MECOM: variants seen among roughly 807,000 people sequenced by gnomAD.
MECOM encodes the protein histone-lysine N-methyltransferase MECOM.
A neutral mutation model predicts 116.3 loss-of-function variants in MECOM; 13 were observed. The observed-to-expected ratio is 0.11, with a 90% CI of 0.07 to 0.18. The LOEUF (loss-of-function observed/expected upper bound fraction) is 0.18, where lower values mean the gene tolerates loss of function less well. Among genes scored for constraint, MECOM ranks in the 10% least tolerant of loss-of-function variants. The pLI, the probability that MECOM is intolerant of heterozygous loss-of-function variation, is 1.00. For missense variants in MECOM, 1,299 were observed against 1,509.0 expected, an observed-to-expected ratio of 0.86 and a Z score of 2.31; for synonymous variants, 528 against 535.2, an observed-to-expected ratio of 0.99 and a Z score of 0.19.
In MECOM at chr3:169,378,465, GC is replaced by G. The variant is rs1560197048; in HGVS notation, c.375+2721del. The stretch of plus-strand genomic sequence containing the variant: ...AGAAAGAAAGAAGGAAAGCAAGCAA[GC>G]AAGCAAGCAAGAAAGAGAGAGAGAA... On this transcript the variant is annotated intron_variant, in intron 2 of 16. Coordinates refer to ENST00000651503, the MANE Select transcript of MECOM (RefSeq NM_004991.4). Among the ~76,000 whole-genome samples, 61 of 62,248 alleles carry G rather than the reference GC, an allele frequency of 9.8e-4. 9 individuals are homozygous for G. Among genetic ancestry groups the G allele is most frequent in the African/African-American group, 6.7e-3 (58 of 8,636 alleles). The allele number at this position is 62,248 out of a possible 152,430, so 40.8% of individuals were successfully genotyped here.
chr3:169,226,022 T>C (rs1260351337), intron 2 of MECOM, among the ~76,000 whole-genome samples: 4 of 152,252 alleles, frequency 2.6e-5, no homozygotes, highest in Non-Finnish European at 4.4e-5. Context: ...GGACTCCTTA[T>C]TTTATTACAT....
chr3:169,326,691 T>G (rs1721880660), intron 2 of MECOM, among the ~76,000 whole-genome samples: 2 of 152,222 alleles, frequency 1.3e-5, no homozygotes, highest in Admixed American at 1.3e-4. Flanking sequence ...AAAATCATGT[T>G]GCCTTTGCTA....
At chr3:169,203,600 C>T (rs1749490000) in intron 2 of MECOM, among the ~76,000 whole-genome samples, 1 of 152,096 alleles carries the variant, frequency 6.6e-6, no homozygotes, top group South Asian at 2.1e-4. Flanking sequence ...ATAATTAACA[C>T]TCCTTTAAAT....
intron 1 of MECOM, among the ~76,000 whole-genome samples, chr3:169,397,689 T>C (rs914338803): frequency 3.9e-5 from 6 of 152,214 alleles, no homozygotes; most frequent in African/African-American, 1.4e-4. Flanking sequence ...ACGACCTTGA[T>C]AACATTCTCA....
chr3:169,361,570 A>T (rs1728307130), intron 2 of MECOM, among the ~76,000 whole-genome samples: 1 of 151,912 alleles, frequency 6.6e-6, no homozygotes, highest in South Asian at 2.1e-4. Context: ...ACAATGAAAT[A>T]TTCATATTTA....
chr3:169,440,736 A>G (rs1000722743), intron 1 of MECOM, among the ~76,000 whole-genome samples: 5 of 152,278 alleles, frequency 3.3e-5, no homozygotes, highest in East Asian at 3.9e-4. Context: ...TGAAGGAAAC[A>G]ACTTCTCTTT....
At chr3:169,638,428 C>T (rs574819372) in intron 1 of MECOM, among the ~76,000 whole-genome samples, 11 of 152,280 alleles carry the variant, frequency 7.2e-5, no homozygotes, top group African/African-American at 2.4e-4. Flanking sequence ...CCCCCTGCTA[C>T]CATGCACCAT....
intron 1 of MECOM, among the ~76,000 whole-genome samples, chr3:169,622,935 C>T (rs1770930055): frequency 6.6e-6 from 1 of 152,178 alleles, no homozygotes; most frequent in African/African-American, 2.4e-5. Flanking sequence ...GCTCTGCTTT[C>T]AGGTTGAGAT....
intron 9 of MECOM, 60 bp from the exon 10 acceptor site, chr3:169,108,012 A>T: frequency 7.1e-7 from 1 of 1,408,548 alleles, no homozygotes; most frequent in Non-Finnish European, 1.0e-6. Flanking sequence ...CTTTATTGCA[A>T]TCTATCCTTT....
At chr3:169,580,901 T>G (rs1765055757) in intron 1 of MECOM, among the ~76,000 whole-genome samples, 1 of 152,212 alleles carries the variant, frequency 6.6e-6, no homozygotes, top group Non-Finnish European at 1.5e-5. Context: ...TTACCCCACG[T>G]GATACTGGAA....
intron 1 of MECOM, among the ~76,000 whole-genome samples, chr3:169,551,251 T>C (rs562964166): frequency 6.6e-6 from 1 of 152,200 alleles, no homozygotes; most frequent in East Asian, 1.9e-4. Flanking sequence ...ATGTGCACCA[T>C]CCATCCAGCC....
chr3:169,157,136 T>C (rs886219961), intron 2 of MECOM, among the ~76,000 whole-genome samples: 40 of 152,204 alleles, frequency 2.6e-4, no homozygotes, highest in African/African-American at 8.4e-4. Context: ...TAATTTGTGT[T>C]CTATTGAACG....
intron 1 of MECOM, among the ~76,000 whole-genome samples, chr3:169,536,530 T>C (rs929874488): frequency 1.3e-5 from 2 of 151,452 alleles, no homozygotes; most frequent in African/African-American, 4.8e-5. Flanking sequence ...GTCTGACACC[T>C]AGCTAGGTCA....
chr3:169,100,121 CAG>C (rs1723081155), intron 12 of MECOM, among the ~76,000 whole-genome samples: 2 of 48,272 alleles, frequency 4.1e-5, no homozygotes, highest in African/African-American at 1.6e-4. Flanking sequence ...TTTTTTTTGA[CAG>C]AGTCTCACTC....
At chr3:169,477,058 G>A (rs1750510008) in intron 1 of MECOM, 1 of 141,524 alleles carries the variant, frequency 7.1e-6, no homozygotes, top group South Asian at 2.3e-4. Context: ...CATAATATGT[G>A]CCTAGAGGTC....
At chr3:169,215,627 A>G (rs1751328659) in intron 2 of MECOM, among the ~76,000 whole-genome samples, 1 of 152,118 alleles carries the variant, frequency 6.6e-6, no homozygotes, top group Admixed American at 6.6e-5. Context: ...CTGAAAACTA[A>G]ATGTGATTCC....
intron 1 of MECOM, among the ~76,000 whole-genome samples, chr3:169,394,834 G>A (rs1734774326): frequency 6.6e-6 from 1 of 152,070 alleles, no homozygotes; most frequent in South Asian, 2.1e-4. Context: ...AAGGATTTAT[G>A]AATTTTTAAA....
chr3:169,121,198 G>A lies in MECOM; in HGVS notation c.990C>T (p.Asp330=). ...ECENCAKVFT[D]PSNLQRHIRS... ...GAATGTGCCGCTGAAGGTTGCTAGG[G>A]TCCGTGAAAACCTGCTAGGAAATGA... The change falls in exon 7 of 17, where the codon GAC becomes GAT. Residue 330 remains aspartate (D), a synonymous_variant. Coordinates refer to ENST00000651503, the MANE Select transcript of MECOM (RefSeq NM_004991.4). 3 of 1,610,386 alleles carry A rather than the reference G, an allele frequency of 1.9e-6. No homozygotes were observed. The highest frequency in any genetic ancestry group is 2.5e-6 in the Non-Finnish European group (3 of 1,178,134).
chr3:169,488,355 T>C (rs921915215), intron 1 of MECOM, among the ~76,000 whole-genome samples: 1 of 139,736 alleles, frequency 7.2e-6, no homozygotes, highest in Admixed American at 7.5e-5. Context: ...GGTAAAACCC[T>C]GTCTCTACTA....
Sources: gnomAD v4.1 joint callset for allele counts (sites outside exome capture counted in the v4.1 genomes callset) on GRCh38, gnomAD v4.1.1 for gene constraint, MANE v1.5 for transcripts, NCBI Gene and HGNC (gene_info 2026-07-23, HGNC 2026-07-21) for gene names.